Variants in GALNT2 observed in about 807,000 individuals in gnomAD.
GALNT2 encodes polypeptide N-acetylgalactosaminyltransferase 2.
A neutral mutation model predicts 81.4 loss-of-function variants in GALNT2; 31 were observed. The observed-to-expected ratio is 0.38, with a 90% CI of 0.29 to 0.51. GALNT2 has a LOEUF of 0.51. Ranked by LOEUF, GALNT2 falls within the 20% of genes least tolerant of loss-of-function variation. The pLI is 0.87. For missense variants in GALNT2, 629 were observed against 765.7 expected (o/e 0.82, Z 2.11); for synonymous variants, 303 against 287.4 (o/e 1.05, Z -0.55).
At position 230,274,471 on chromosome 1, in the gene GALNT2, G is replaced by A. The variant is rs16851310; in HGVS notation, c.1467G>A (p.Ser489=). 6.6e-3 allele frequency: 10,646 copies of A among 1,613,630 alleles called. 447 individuals carry two copies. In the African/African-American group the frequency reaches 0.11, roughly 16 times the overall value. The change falls in exon 15 of 16, where the codon TCG becomes TCA. Residue 489 remains serine (S), a synonymous_variant. Coordinates refer to ENST00000366672, the MANE Select transcript of GALNT2 (RefSeq NM_004481.5). ...NQEWALTKEK[S]VKHMDLCLTV... is the part of the protein sequence containing the mutation. Reference sequence around the variant, plus strand: ...AATGGGCCTTGACGAAGGAGAAGTCGGTGAAGCACATGGATTTGTGCCTTA... The same window carrying A: ...AATGGGCCTTGACGAAGGAGAAGTCAGTGAAGCACATGGATTTGTGCCTTA...
rs1346034793 is a variant in GALNT2 at position 230,249,323 on chromosome 1, C to T, written c.905+52C>T. ...CCCTCCCAGATGAGACCCCAGGTTC[C>T]AGCTTCTTTGCTGGGCCCGCACCGC... On this transcript the variant is annotated intron_variant, in intron 9 of 15. Transcript: ENST00000366672. The T allele has an allele frequency of 1.9e-6, 3 of 1,550,572 alleles. No homozygotes were observed. In the African/African-American group the frequency reaches 4.1e-5, roughly 21 times the overall value.
chr1:230,108,717 C>T (rs1199548647), intron 1 of GALNT2, among the ~76,000 whole-genome samples: 1 of 152,214 alleles, frequency 6.6e-6, no homozygotes, highest in African/African-American at 2.4e-5. Context: ...TGCAATTGGG[C>T]AAGTCATATC....
At position 230,279,173 on chromosome 1, in the gene GALNT2, G is replaced by C. The variant is rs1666369536; in HGVS notation, c.1561-130G>C. 1 of 1,008,912 alleles carries C rather than the reference G, an allele frequency of 9.9e-7. No individual in the cohort carries two copies. The highest frequency in any genetic ancestry group is 1.4e-6 in the Non-Finnish European group (1 of 700,836). 62.5% of individuals were successfully genotyped at this position (1,008,912 alleles called of 1,614,324 possible). A position where few individuals can be genotyped will look rare whatever the true frequency, so the allele number is the denominator to read the frequency against. On this transcript the variant is annotated intron_variant, in intron 15 of 15. Transcript: ENST00000366672. This position sits in a 1 kb window ranked among gnomAD's most constrained non-coding sequence, Gnocchi z 4.6. ...CTGCTGCAAGCTCCTCGGCCGTTCA[G>C]ATGAGAGGCTGGGAAAAACGTGTCT... is the stretch of plus-strand genomic sequence containing the variant.
intron 1 of GALNT2, among the ~76,000 whole-genome samples, chr1:230,060,130 C>A (rs1050559654): frequency 2.0e-5 from 3 of 152,166 alleles, no homozygotes; most frequent in Non-Finnish European, 4.4e-5. Flanking sequence ...TTTCCTTACT[C>A]TTTCTTTGTC....
At chr1:230,276,100 CAT>C (rs1194859240) in intron 15 of GALNT2, among the ~76,000 whole-genome samples, 1 of 150,794 alleles carries the variant, frequency 6.6e-6, no homozygotes, top group Non-Finnish European at 1.5e-5. Context: ...TATATAAACA[CAT>C]ATATACATAT....
chr1:230,250,460 C>A lies in GALNT2; in HGVS notation c.909C>A (p.Thr303=). The A allele has an allele frequency of 6.2e-7, 1 of 1,613,494 alleles. No individual in the cohort carries two copies. The highest frequency in any genetic ancestry group is 8.5e-7 in the Non-Finnish European group (1 of 1,179,560). The change falls in exon 10 of 16, where the codon ACC becomes ACA. Residue 303 remains threonine, a synonymous_variant. Transcript: ENST00000366672. ...CCTCTTCTTTCTGCCTCTTTAGAAC[C>A]CCCATGATTGCTGGTGGGCTGTTTG... ...RQGNPVAPIK[T]PMIAGGLFVM...
chr1:230,280,365 G>C lies in GALNT2; in HGVS notation c.*907G>C, dbSNP rs1038847024. 76 of 221,702 alleles carry C rather than the reference G, an allele frequency of 3.4e-4. No homozygotes were observed. Among genetic ancestry groups the C allele is most frequent in the African/African-American group, 1.4e-3 (64 of 45,004 alleles). 13.7% of individuals were successfully genotyped at this position (221,702 alleles called of 1,614,324 possible). A position where few individuals can be genotyped will look rare whatever the true frequency, so the allele number is the denominator to read the frequency against. The stretch of plus-strand genomic sequence containing the variant: ...TCAGAATCCACCTTGCGTGCTGTGC[G>C]TATCTGTGAACCTGGAGCGGTTACT... On this transcript the variant is annotated 3_prime_UTR_variant, in exon 16 of 16. Transcript: ENST00000366672.
chr1:230,097,739 C>T (rs1481792900), intron 1 of GALNT2, among the ~76,000 whole-genome samples: 1 of 152,148 alleles, frequency 6.6e-6, no homozygotes, highest in African/African-American at 2.4e-5. Context: ...TCAAATGACA[C>T]ATCATAATTT....
intron 1 of GALNT2, among the ~76,000 whole-genome samples, chr1:230,088,201 C>T (rs1476801593): frequency 6.6e-6 from 1 of 152,054 alleles, no homozygotes; most frequent in Admixed American, 6.5e-5. Flanking sequence ...TGTTGTGAAA[C>T]TTTGTCATCT....
chr1:230,180,125 G>T lies in GALNT2; in HGVS notation c.220+1814G>T, dbSNP rs563825075. ...GTAGAGACAGCGTTTTGCCATGTTG[G>T]CCAGGCTGGTCTCAAACTCCTGACC... On this transcript the variant is annotated intron_variant, in intron 2 of 15. Coordinates refer to ENST00000366672, the MANE Select transcript of GALNT2 (RefSeq NM_004481.5). Among the ~76,000 whole-genome samples, 16 of 152,166 alleles carry T rather than the reference G, an allele frequency of 1.1e-4. No homozygotes were observed. The South Asian group carries it at 3.3e-3, about 32-fold the overall frequency.
chr1:230,115,737 GTTTAGCAT>G (rs1214059956), intron 1 of GALNT2, among the ~76,000 whole-genome samples: 2 of 152,196 alleles, frequency 1.3e-5, no homozygotes, highest in African/African-American at 4.8e-5. Context: ...ATGCGTTGCT[GTTTAGCAT>G]TTTGCCCACA....
intron 2 of GALNT2, among the ~76,000 whole-genome samples, chr1:230,182,319 A>G (rs1663186259): frequency 6.6e-6 from 1 of 151,992 alleles, no homozygotes; most frequent in African/African-American, 2.4e-5. Context: ...AGAATCTTAG[A>G]TGATTGCTTT....
At chr1:230,183,597 G>A (rs1663226226) in intron 2 of GALNT2, among the ~76,000 whole-genome samples, 1 of 152,108 alleles carries the variant, frequency 6.6e-6, no homozygotes, top group African/African-American at 2.4e-5. Flanking sequence ...ATAAGCATAT[G>A]TATATAATAT....
intron 1 of GALNT2, among the ~76,000 whole-genome samples, chr1:230,089,593 G>A (rs1660000640): frequency 6.6e-6 from 1 of 152,156 alleles, no homozygotes; most frequent in Non-Finnish European, 1.5e-5. Flanking sequence ...GCAGCCACTG[G>A]CGGCCAGGGT....
In GALNT2 at chr1:230,125,764, C is replaced by T. The variant is rs184468233; in HGVS notation, c.127-52454C>T. 1.9e-3 allele frequency among the ~76,000 whole-genome samples: 288 copies of T among 152,350 alleles called. 3 individuals are homozygous for T. Among genetic ancestry groups the T allele is most frequent in the East Asian group, 9.7e-4 (5 of 5,178 alleles). On this transcript the variant is annotated intron_variant, in intron 1 of 15. Coordinates refer to ENST00000366672, the MANE Select transcript of GALNT2 (RefSeq NM_004481.5). ...AATTGTGAGCACTTTCCAACAGTGACATCCCAGTACTCTGTTTAAGTGAAA... is the reference window on the plus strand; with the variant it reads ...AATTGTGAGCACTTTCCAACAGTGATATCCCAGTACTCTGTTTAAGTGAAA...
chr1:230,147,446 G>T (rs1214193891), intron 1 of GALNT2, among the ~76,000 whole-genome samples: 1 of 152,224 alleles, frequency 6.6e-6, no homozygotes, highest in Admixed American at 6.5e-5. Flanking sequence ...CATTCCTAGA[G>T]CCCCTGCCAC....
chr1:230,197,567 C>T (rs1663739104), intron 2 of GALNT2, among the ~76,000 whole-genome samples: 1 of 152,112 alleles, frequency 6.6e-6, no homozygotes, highest in Non-Finnish European at 1.5e-5. Context: ...TGTTTGTGTT[C>T]GGTCATTTCT....
At chr1:230,157,238 C>A (rs752146289) in intron 1 of GALNT2, among the ~76,000 whole-genome samples, 1 of 152,132 alleles carries the variant, frequency 6.6e-6, no homozygotes, top group African/African-American at 2.4e-5. Flanking sequence ...TGATACCTGG[C>A]GTGTCGTAAG....
chr1:230,109,177 C>A (rs1660629053), intron 1 of GALNT2, among the ~76,000 whole-genome samples: 1 of 152,254 alleles, frequency 6.6e-6, no homozygotes. Context: ...TGATGGGGGT[C>A]TCCCTGGGAG....
Sources: allele counts gnomAD v4.1 joint callset (sites outside exome capture counted in the v4.1 genomes callset), GRCh38; gene constraint gnomAD v4.1.1; non-coding constraint Gnocchi (gnomAD v3.1); transcripts MANE v1.5; gene names NCBI Gene and HGNC (gene_info 2026-07-23, HGNC 2026-07-21).